Variants in C16orf96 observed in about 807,000 individuals in gnomAD.
The protein encoded by C16orf96 is chromosome 16 open reading frame 96.
C16orf96 carries 108 observed loss-of-function variants against 103.6 expected under a neutral mutation model. The observed-to-expected ratio is 1.04, with a 90% CI of 0.89 to 1.22. The LOEUF (loss-of-function observed/expected upper bound fraction) is 1.22, where lower values mean the gene tolerates loss of function less well. Among genes scored for constraint, C16orf96 ranks in the 50% most tolerant of loss-of-function variants. The pLI is 0.00. For missense variants in C16orf96, 1,586 were observed against 1,464.2 expected (o/e 1.08, Z -1.36); for synonymous variants, 566 against 593.5 (o/e 0.95, Z 0.67).
intron 7 of C16orf96, among the ~76,000 whole-genome samples, chr16:4,580,904 C>T (rs1451623134): frequency 2.0e-5 from 3 of 151,650 alleles, no homozygotes; most frequent in East Asian, 1.9e-4. Flanking sequence ...GTGGGCGGAT[C>T]ATCTGAGATC....
At position 4,576,508 on chromosome 16, in the gene C16orf96, T is replaced by C; in HGVS notation, c.2028T>C (p.Pro676=). 3 of 1,551,524 alleles carry C rather than the reference T, an allele frequency of 1.9e-6. No individual in the cohort carries two copies. Among genetic ancestry groups the C allele is most frequent in the Non-Finnish European group, 2.6e-6 (3 of 1,146,976 alleles). The change falls in exon 5 of 16, where the codon CCT becomes CCC. Residue 676 remains proline (P), a synonymous_variant. Coordinates refer to ENST00000444310, the MANE Select transcript of C16orf96 (RefSeq NM_001145011.2). ...AMVATKQAMS[P]EDKKRAVKYS... is the part of the protein sequence containing the mutation. The stretch of plus-strand genomic sequence containing the variant: ...TGGCTACCAAGCAGGCCATGAGCCC[T>C]GAAGACAAGAAGAGGGCTGTCAAGT...
At chr16:4,543,594 C>T in the C16orf96 span, among the ~76,000 whole-genome samples, 85 of 151,000 alleles carry the variant, frequency 5.6e-4, no homozygotes, top group African/African-American at 1.1e-3. Context: ...CAAAGTGCTG[C>T]GATTACAGGC....
Position 4,576,472 on chromosome 16 carries a change from C to T in C16orf96, c.1992C>T (p.Ser664=). ...AASIGPDPAL[S]QAMVATKQAM... Reference sequence around the variant, plus strand: ...GCATCGGTCCCGATCCAGCCCTGTCCCAGGCCATGGTGGCTACCAAGCAGG... The same window carrying T: ...GCATCGGTCCCGATCCAGCCCTGTCTCAGGCCATGGTGGCTACCAAGCAGG... The change falls in exon 5 of 16, where the codon TCC becomes TCT. Residue 664 remains serine, a synonymous_variant. Coordinates refer to ENST00000444310, the MANE Select transcript of C16orf96 (RefSeq NM_001145011.2). The T allele has an allele frequency of 1.9e-6, 3 of 1,551,474 alleles. No homozygotes were observed. Among genetic ancestry groups the T allele is most frequent in the Non-Finnish European group, 2.6e-6 (3 of 1,147,010 alleles).
chr16:4,591,576 C>A, intron 9 of C16orf96, 90 bp from the exon 10 acceptor site: 1 of 1,047,674 alleles, frequency 9.5e-7, no homozygotes, highest in Non-Finnish European at 1.4e-6. Context: ...CACCGTGTAA[C>A]TTCCCAGGTT....
chr16:4,594,723 G>GCGTGGATGGGATCCTGTACAAAGGA lies in C16orf96; in HGVS notation c.3071_3072insACGTGGATGGGATCCTGTACAAAGG (p.Val1026GlyfsTer39), dbSNP rs1253250647. 20 of 1,551,328 alleles carry GCGTGGATGGGATCCTGTACAAAGGA rather than the reference G, an allele frequency of 1.3e-5. No individual in the cohort carries two copies. In the Admixed American group the frequency reaches 2.2e-4, roughly 17 times the overall value. ...CAACAGGCCGAGGTGGACATCCTGGGCGTGGATGGGATCCTGTACAAAGGC... is the reference window on the plus strand; with the variant it reads ...CAACAGGCCGAGGTGGACATCCTGGGCGTGGATGGGATCCTGTACAAAGGACGTGGATGGGATCCTGTACAAAGGC... On this transcript the variant is annotated frameshift_variant, in exon 14 of 16. Coordinates refer to ENST00000444310, the MANE Select transcript of C16orf96 (RefSeq NM_001145011.2). LOFTEE classifies it high-confidence loss of function.
upstream of C16orf96, among the ~76,000 whole-genome samples, chr16:4,551,942 G>T (rs778185411): frequency 4.6e-5 from 7 of 151,970 alleles, no homozygotes; most frequent in Non-Finnish European, 8.8e-5. Flanking sequence ...GCCCCGGTGT[G>T]TGACATTCCC....
rs1430998389 is a variant in C16orf96 at position 4,575,231 on chromosome 16, G to T, written c.751G>T (p.Ala251Ser). 2 of 1,548,268 alleles carry T rather than the reference G, an allele frequency of 1.3e-6. No homozygotes were observed. The highest frequency in any genetic ancestry group is 4.9e-5 in the East Asian group (2 of 40,916). Residue 251 changes from alanine to serine, a missense_variant, in exon 5 of 16, where the codon GCC (alanine) becomes TCC (serine). Transcript: ENST00000444310. ...GTCTGTAGAGCAGCTCCCAGAGGCT[G>T]CCCTGGCCCAGACCACCAAGTACCT... ...WQSVEQLPEA[A>S]LAQTTKYLEA... is the part of the protein sequence containing the mutation.
chr16:4,595,473 G>A (rs1596540021), intron 14 of C16orf96, among the ~76,000 whole-genome samples: 3 of 152,172 alleles, frequency 2.0e-5, no homozygotes, highest in South Asian at 4.1e-4. Context: ...GGCTCTGGCC[G>A]GCTCCTGCTG....
At chr16:4,589,877 A>G (rs1422065155) in intron 9 of C16orf96, among the ~76,000 whole-genome samples, 1 of 152,140 alleles carries the variant, frequency 6.6e-6, no homozygotes, top group Non-Finnish European at 1.5e-5. Flanking sequence ...TAATCCCAGC[A>G]CTTCGGGAGG....
intron 1 of C16orf96, among the ~76,000 whole-genome samples, chr16:4,558,534 C>T (rs949927497): frequency 6.6e-6 from 1 of 151,976 alleles, no homozygotes; most frequent in Non-Finnish European, 1.5e-5. Flanking sequence ...ATCACTTAAC[C>T]CCAGGAGTTG....
At chr16:4,589,211 C>T (rs1324018500) in intron 9 of C16orf96, among the ~76,000 whole-genome samples, 2 of 152,254 alleles carry the variant, frequency 1.3e-5, no homozygotes, top group East Asian at 3.9e-4. Context: ...AGCCCCCTCC[C>T]ACATTGAATG....
the C16orf96 span, among the ~76,000 whole-genome samples, chr16:4,544,693 G>C: frequency 6.6e-6 from 1 of 152,152 alleles, no homozygotes; most frequent in Non-Finnish European, 1.5e-5. Flanking sequence ...AGGATGGGAT[G>C]GCTTAATGCA....
Position 4,556,867 on chromosome 16 carries a change from G to T in C16orf96, c.378G>T (p.Lys126Asn). 6.4e-7 allele frequency: 1 copy of T among 1,550,498 alleles called. No homozygotes were observed. The highest frequency in any genetic ancestry group is 1.2e-5 in the South Asian group (1 of 84,034). The change falls in exon 1 of 16, where the codon AAG (lysine) becomes AAT (asparagine). Residue 126 changes from lysine (K) to asparagine (N), a missense_variant. Coordinates refer to ENST00000444310, the MANE Select transcript of C16orf96 (RefSeq NM_001145011.2). ...RPVQDLWHLI[K>N]LRKMVEGHDE... is the part of the protein sequence containing the mutation. ...TCCAGGACCTGTGGCATCTGATCAA[G>T]CTCCGGAAGATGGTGGAGGGTCATG... is the stretch of plus-strand genomic sequence containing the variant.
intron 1 of C16orf96, among the ~76,000 whole-genome samples, chr16:4,558,784 G>T (rs186508705): frequency 2.0e-5 from 3 of 151,934 alleles, no homozygotes; most frequent in Admixed American, 2.0e-4. Flanking sequence ...GCATGCTTGC[G>T]TGCGCCTGTA....
upstream of C16orf96, among the ~76,000 whole-genome samples, chr16:4,555,052 C>T (rs1239106642): frequency 1.3e-5 from 2 of 151,694 alleles, no homozygotes; most frequent in African/African-American, 2.4e-5. Context: ...CACCTGAGGT[C>T]GGGAGTTTGA....
chr16:4,572,552 C>T (rs2059451771), intron 2 of C16orf96, among the ~76,000 whole-genome samples: 1 of 152,048 alleles, frequency 6.6e-6, no homozygotes, highest in African/African-American at 2.4e-5. Flanking sequence ...CCGCCCGCCT[C>T]AGCCTCCCAA....
At chr16:4,576,710 T>C in intron 5 of C16orf96, 75 bp downstream of exon 5, 1 of 1,371,838 alleles carries the variant, frequency 7.3e-7, no homozygotes. Context: ...GTGTGTCCTG[T>C]CCTTCACTGG....
chr16:4,577,477 C>T (rs997709708), intron 5 of C16orf96, among the ~76,000 whole-genome samples: 2 of 151,738 alleles, frequency 1.3e-5, no homozygotes, highest in Non-Finnish European at 2.9e-5. Flanking sequence ...GGTGAAACCC[C>T]GTCTCTACTA....
the C16orf96 span, among the ~76,000 whole-genome samples, chr16:4,539,302 T>G: frequency 6.6e-6 from 1 of 152,210 alleles, no homozygotes; most frequent in Non-Finnish European, 1.5e-5. Flanking sequence ...ACAAAGATAG[T>G]TAACAGCCCT....
Sources: allele counts gnomAD v4.1 joint callset (sites outside exome capture counted in the v4.1 genomes callset), GRCh38; gene constraint gnomAD v4.1.1; transcripts MANE v1.5; gene names NCBI Gene and HGNC (gene_info 2026-07-23, HGNC 2026-07-21).